THSD7B: variants seen among roughly 807,000 people sequenced by gnomAD.
The protein encoded by THSD7B is thrombospondin type 1 domain containing 7B, also known as thrombospondin type-1 domain-containing protein 7B.
THSD7B carries 138 observed loss-of-function variants against 213.6 expected under a neutral mutation model. The ratio of observed to expected loss-of-function variants is 0.65; its 90% CI spans 0.56 to 0.74. The LOEUF (loss-of-function observed/expected upper bound fraction) is 0.74, where lower values mean the gene tolerates loss of function less well. Ranked by LOEUF, THSD7B falls within the 30% of genes least tolerant of loss-of-function variation. THSD7B has a pLI of 0.00. For missense variants in THSD7B, 1,931 were observed against 1,991.5 expected (o/e 0.97, Z 0.58); for synonymous variants, 742 against 687.0 (o/e 1.08, Z -1.25).
intron 12 of THSD7B, among the ~76,000 whole-genome samples, chr2:137,392,578 G>A (rs13382883): frequency 0.23 from 34,366 of 151,730 alleles, 4,024 homozygotes; most frequent in South Asian, 0.27. Context: ...CTCCCTTCTG[G>A]TTTCTGTTTG....
intron 2 of THSD7B, among the ~76,000 whole-genome samples, chr2:137,021,275 A>G (rs2104843528): frequency 6.6e-6 from 1 of 152,266 alleles, no homozygotes; most frequent in African/African-American, 2.4e-5. Context: ...AAATGTTACG[A>G]GTATGAGAAA....
intron 17 of THSD7B, among the ~76,000 whole-genome samples, chr2:137,573,777 G>A (rs2105236498): frequency 6.6e-6 from 1 of 152,104 alleles, no homozygotes; most frequent in South Asian, 2.1e-4. Context: ...TAAGTGGTTT[G>A]CACAAAGTTT....
chr2:137,260,531 G>A (rs1432626810), intron 10 of THSD7B, among the ~76,000 whole-genome samples: 1 of 152,184 alleles, frequency 6.6e-6, no homozygotes, highest in African/African-American at 2.4e-5. Flanking sequence ...GGGAGGTCAA[G>A]GCGGGAGGAT....
intron 12 of THSD7B, among the ~76,000 whole-genome samples, chr2:137,296,381 C>A (rs992686966): frequency 2.6e-5 from 4 of 152,102 alleles, no homozygotes; most frequent in Non-Finnish European, 4.4e-5. Context: ...GCTACCTAAA[C>A]AAACACAGAA....
chr2:136,973,681 C>T (rs559015069), intron 2 of THSD7B, among the ~76,000 whole-genome samples: 4 of 152,168 alleles, frequency 2.6e-5, no homozygotes, highest in Non-Finnish European at 5.9e-5. Flanking sequence ...TTGTAATTAC[C>T]CATCTGTTTC....
Position 137,676,777 on chromosome 2 carries a change from A to G in THSD7B, c.*172A>G. Reference sequence around the variant, plus strand: ...TCATTTGGACATGGAGTCAAGGATTATTAGGTCTGCCATTTTGTTTTCAAG... The same window carrying G: ...TCATTTGGACATGGAGTCAAGGATTGTTAGGTCTGCCATTTTGTTTTCAAG... On this transcript the variant is annotated 3_prime_UTR_variant, in exon 28 of 28. Transcript: ENST00000409968. The G allele has an allele frequency of 5.6e-6, 3 of 535,396 alleles. No individual in the cohort carries two copies. The highest frequency in any genetic ancestry group is 6.0e-6 in the Non-Finnish European group (2 of 335,580). 33.2% of individuals were successfully genotyped at this position (535,396 alleles called of 1,614,324 possible).
intron 20 of THSD7B, among the ~76,000 whole-genome samples, chr2:137,624,109 G>A (rs950832039): frequency 6.6e-6 from 1 of 152,190 alleles, no homozygotes; most frequent in African/African-American, 2.4e-5. Flanking sequence ...AAAACAGCAT[G>A]GTACTGGTAC....
At chr2:137,666,012 A>G (rs1332939611) in intron 26 of THSD7B, among the ~76,000 whole-genome samples, 1 of 152,190 alleles carries the variant, frequency 6.6e-6, no homozygotes, top group Non-Finnish European at 1.5e-5. Context: ...AACTGGTAAC[A>G]GTAATAGCTA....
intron 2 of THSD7B, among the ~76,000 whole-genome samples, chr2:136,998,019 G>A (rs954752179): frequency 3.3e-5 from 5 of 152,054 alleles, no homozygotes; most frequent in South Asian, 2.1e-4. Flanking sequence ...TAGTCACACC[G>A]TAGCAGACAA....
At chr2:137,618,639 C>T (rs17743744) in intron 19 of THSD7B, 132 bp downstream of exon 19, 100,887 of 768,594 alleles carry the variant, frequency 0.13, 7,279 homozygotes, top group South Asian at 0.21. Context: ...TTAGAGTAAG[C>T]GGTGCCAGTA....
Position 137,484,011 on chromosome 2 carries a change from CT to C in THSD7B, c.3138+32998del, listed in dbSNP as rs201443554. 1.1e-3 allele frequency among the ~76,000 whole-genome samples: 160 copies of C among 146,250 alleles called. 1 individual carries two copies. The highest frequency in any genetic ancestry group is 8.9e-3 in the East Asian group (45 of 5,058). On this transcript the variant is annotated intron_variant, in intron 15 of 27. Transcript: ENST00000409968. ...TCCAGACATGCTCGGTTTGAGGTTT[CT>C]TTTTTTTTTATTTTATTATTATTAT...
chr2:137,544,961 G>C (rs1680681302), intron 15 of THSD7B, among the ~76,000 whole-genome samples: 1 of 151,706 alleles, frequency 6.6e-6, no homozygotes, highest in African/African-American at 2.4e-5. Flanking sequence ...GTTAGTGATT[G>C]GGCATCTCTT....
intron 15 of THSD7B, among the ~76,000 whole-genome samples, chr2:137,514,487 G>A (rs867069744): frequency 1.8e-4 from 28 of 152,048 alleles, no homozygotes; most frequent in Admixed American, 4.6e-4. Context: ...GGCCTATTGC[G>A]GGACCTTGTG....
chr2:137,514,827 CT>C (rs1680036587), intron 15 of THSD7B, among the ~76,000 whole-genome samples: 1 of 152,124 alleles, frequency 6.6e-6, no homozygotes, highest in Non-Finnish European at 1.5e-5. Flanking sequence ...TGTTTGGTGA[CT>C]CTAAACATAA....
At chr2:136,884,239 G>A (rs919701448) in intron 2 of THSD7B, among the ~76,000 whole-genome samples, 2 of 152,210 alleles carry the variant, frequency 1.3e-5, no homozygotes, top group Admixed American at 6.5e-5. Flanking sequence ...AAGTAGGCAA[G>A]TGTGAGCAGT....
rs188194521 is a variant in THSD7B at position 137,075,373 on chromosome 2, C to T, written c.950+18143C>T. On this transcript the variant is annotated intron_variant, in intron 3 of 27. Transcript: ENST00000409968. ...GCTGGTACTCTTTCTTCCAGTTGATCGCATCAGCTACTGAGGCTTCTGCAT... is the reference window on the plus strand; with the variant it reads ...GCTGGTACTCTTTCTTCCAGTTGATTGCATCAGCTACTGAGGCTTCTGCAT... Among the ~76,000 whole-genome samples the T allele has an allele frequency of 1.4e-3, 213 of 152,262 alleles. 1 individual carries two copies. Among genetic ancestry groups the T allele is most frequent in the African/African-American group, 4.7e-3 (195 of 41,550 alleles).
intron 12 of THSD7B, 74 bp downstream of exon 12, chr2:137,276,100 CT>C (rs1168949885): frequency 3.9e-6 from 4 of 1,023,372 alleles, no homozygotes; most frequent in Non-Finnish European, 5.7e-6. Context: ...GTGTTGCTTA[CT>C]TTTATATTTG....
chr2:137,485,968 C>T (rs1688431382), intron 15 of THSD7B, among the ~76,000 whole-genome samples: 1 of 152,086 alleles, frequency 6.6e-6, no homozygotes, highest in African/African-American at 2.4e-5. Context: ...CACCACCAGG[C>T]CTGCCCTAAA....
intron 2 of THSD7B, among the ~76,000 whole-genome samples, chr2:136,967,810 C>G (rs1391879066): frequency 6.6e-6 from 1 of 152,212 alleles, no homozygotes; most frequent in Non-Finnish European, 1.5e-5. Flanking sequence ...GGAGTTACCA[C>G]TGATGGATGC....
Sources: gnomAD v4.1 joint callset for allele counts (sites outside exome capture counted in the v4.1 genomes callset) on GRCh38, gnomAD v4.1.1 for gene constraint, MANE v1.5 for transcripts, NCBI Gene and HGNC (gene_info 2026-07-23, HGNC 2026-07-21) for gene names.